Variants in GNAL observed in about 807,000 individuals in gnomAD.
GNAL encodes guanine nucleotide-binding protein G(olf) subunit alpha.
GNAL carries 18 observed loss-of-function variants against 55.1 expected under a neutral mutation model. That is an observed-to-expected ratio of 0.33 (90% CI 0.23 to 0.48). GNAL has a LOEUF of 0.48. Ranked by LOEUF, GNAL falls within the 20% of genes least tolerant of loss-of-function variation. The pLI, the probability that GNAL is intolerant of heterozygous loss-of-function variation, is 0.99. For missense variants in GNAL, 412 were observed against 614.1 expected (o/e 0.67, Z 3.48); for synonymous variants, 253 against 237.0 (o/e 1.07, Z -0.62).
chr18:11,734,784 G>A (rs2032424123), intron 1 of GNAL, among the ~76,000 whole-genome samples: 1 of 150,886 alleles, frequency 6.6e-6, no homozygotes, highest in Non-Finnish European at 1.5e-5. Context: ...AGCCTTTGGG[G>A]GGATTTATTC....
At chr18:11,710,506 A>G (rs1481335645) in intron 1 of GNAL, among the ~76,000 whole-genome samples, 4 of 152,168 alleles carry the variant, frequency 2.6e-5, no homozygotes, top group Non-Finnish European at 5.9e-5. Context: ...TTATACTTTC[A>G]TATGCTTTCT....
intron 5 of GNAL, among the ~76,000 whole-genome samples, chr18:11,842,647 A>G (rs559848982): frequency 6.6e-6 from 1 of 152,194 alleles, no homozygotes; most frequent in Admixed American, 6.5e-5. Context: ...TCGTGCTCCT[A>G]TGAGAATCTA....
At chr18:11,815,237 T>C (rs2034925172) in intron 4 of GNAL, among the ~76,000 whole-genome samples, 2 of 152,192 alleles carry the variant, frequency 1.3e-5, no homozygotes, top group South Asian at 4.1e-4. Context: ...TTATACCCCA[T>C]AAATATGAAG....
intron 2 of GNAL, among the ~76,000 whole-genome samples, chr18:11,753,299 A>G (rs1249674896): frequency 6.6e-6 from 1 of 152,232 alleles, no homozygotes; most frequent in Non-Finnish European, 1.5e-5. Flanking sequence ...AGATCTAGGT[A>G]AAATACATTT....
chr18:11,695,131 G>A (rs982255386), intron 1 of GNAL, among the ~76,000 whole-genome samples: 5 of 152,194 alleles, frequency 3.3e-5, no homozygotes, highest in Non-Finnish European at 7.3e-5. Context: ...GGCGGGGAGT[G>A]CGTGCCCTGT....
intron 4 of GNAL, among the ~76,000 whole-genome samples, chr18:11,818,874 T>C (rs2035023401): frequency 6.6e-6 from 1 of 152,208 alleles, no homozygotes. Flanking sequence ...AGAAGTATTT[T>C]TCATAAGTCA....
intron 11 of GNAL, among the ~76,000 whole-genome samples, chr18:11,878,755 A>T (rs988527843): frequency 3.3e-5 from 5 of 151,860 alleles, no homozygotes; most frequent in Non-Finnish European, 7.4e-5. Flanking sequence ...TTTTATAGAG[A>T]TACAGCCTTG....
chr18:11,865,177 C>T (rs1474487028), intron 7 of GNAL, among the ~76,000 whole-genome samples: 1 of 140,772 alleles, frequency 7.1e-6, no homozygotes, highest in African/African-American at 3.3e-5. Context: ...CTCAGTGCCA[C>T]GAAATGAATC....
At chr18:11,769,070 TAG>T (rs1305101366) in intron 4 of GNAL, among the ~76,000 whole-genome samples, 3 of 98,844 alleles carry the variant, frequency 3.0e-5, no homozygotes, top group South Asian at 4.8e-4. Flanking sequence ...TATTATAATA[TAG>T]ATTATATAAA....
At chr18:11,866,403 GCA>G (rs2143858354) in intron 7 of GNAL, among the ~76,000 whole-genome samples, 1 of 150,492 alleles carries the variant, frequency 6.6e-6, no homozygotes, top group Non-Finnish European at 1.5e-5. Context: ...AATCTCAGAG[GCA>G]GGGAAGCCTG....
At chr18:11,839,694 T>C (rs968074622) in intron 5 of GNAL, among the ~76,000 whole-genome samples, 1 of 151,722 alleles carries the variant, frequency 6.6e-6, no homozygotes, top group Non-Finnish European at 1.5e-5. Flanking sequence ...AAACAAAATG[T>C]GGTGTATCCC....
intron 1 of GNAL, among the ~76,000 whole-genome samples, chr18:11,691,468 G>T (rs1375852729): frequency 6.7e-5 from 10 of 150,006 alleles, no homozygotes; most frequent in Non-Finnish European, 1.5e-4. Context: ...AGTTTAATTA[G>T]ATCCCATTTG....
rs1381154666 is a variant in GNAL, at chr18:11,689,827, G to C, written c.264G>C (p.Ala88=). 2 of 1,536,896 alleles carry C rather than the reference G, an allele frequency of 1.3e-6. No individual in the cohort carries two copies. Among genetic ancestry groups the C allele is most frequent in the Non-Finnish European group, 1.7e-6 (2 of 1,144,798 alleles). The part of the protein sequence containing the change: ...TEQLSAEERE[A]AKEREAVKEA... ...AGCTGAGTGCCGAGGAGCGCGAGGC[G>C]GCCAAGGAGCGCGAGGCGGTCAAGG... is the stretch of plus-strand genomic sequence containing the variant. The change falls in exon 1 of 12, where the codon GCG becomes GCC. Residue 88 remains alanine (A), a synonymous_variant. Coordinates refer to ENST00000334049, the MANE Select transcript of GNAL (RefSeq NM_182978.4).
At chr18:11,692,973 T>C (rs1425499998) in intron 1 of GNAL, among the ~76,000 whole-genome samples, 1 of 152,052 alleles carries the variant, frequency 6.6e-6, no homozygotes, top group East Asian at 1.9e-4. Flanking sequence ...GGAAATTACT[T>C]CAGCCAAAAT....
chr18:11,802,667 A>G (rs2034550674), intron 4 of GNAL, among the ~76,000 whole-genome samples: 1 of 152,266 alleles, frequency 6.6e-6, no homozygotes, highest in South Asian at 2.1e-4. Context: ...CTATGAATTA[A>G]AAGCTTCTTA....
chr18:11,867,420 C>T (rs970195751), intron 8 of GNAL, among the ~76,000 whole-genome samples, 194 bp downstream of exon 8: 3 of 151,986 alleles, frequency 2.0e-5, no homozygotes, highest in Non-Finnish European at 2.9e-5. Context: ...GGCTCACGCC[C>T]GTAATCCCAG....
At chr18:11,723,205 C>T (rs1460089717) in intron 1 of GNAL, among the ~76,000 whole-genome samples, 2 of 152,116 alleles carry the variant, frequency 1.3e-5, no homozygotes, top group East Asian at 1.9e-4. Flanking sequence ...AAAAATAAAA[C>T]GTTGTAGTCT....
At chr18:11,865,990 G>A (rs1451935990) in intron 7 of GNAL, among the ~76,000 whole-genome samples, 3 of 149,350 alleles carry the variant, frequency 2.0e-5, no homozygotes, top group East Asian at 1.9e-4. Flanking sequence ...AGTGCCCAGC[G>A]CCCTCCTCAG....
intron 4 of GNAL, among the ~76,000 whole-genome samples, chr18:11,788,993 AT>A (rs1339788656): frequency 6.7e-6 from 1 of 149,662 alleles, no homozygotes; most frequent in African/African-American, 2.5e-5. Flanking sequence ...GATAAGTTAA[AT>A]GTAGAGTATT....
Sources: allele counts gnomAD v4.1 joint callset (sites outside exome capture counted in the v4.1 genomes callset), GRCh38; gene constraint gnomAD v4.1.1; transcripts MANE v1.5; gene names NCBI Gene and HGNC (gene_info 2026-07-23, HGNC 2026-07-21).